Variants in EDIL3 observed in about 807,000 individuals in gnomAD.
The protein encoded by EDIL3 is EGF-like repeat and discoidin I-like domain-containing protein 3.
EDIL3 carries 37 observed loss-of-function variants against 67.4 expected under a neutral mutation model. The ratio of observed to expected loss-of-function variants is 0.55; its 90% CI spans 0.42 to 0.72. The LOEUF (loss-of-function observed/expected upper bound fraction) is 0.72, where lower values mean the gene tolerates loss of function less well. Among genes scored for constraint, EDIL3 ranks in the 30% least tolerant of loss-of-function variants. EDIL3 has a pLI of 0.00. For missense variants in EDIL3, 527 were observed against 586.3 expected, an observed-to-expected ratio of 0.90 and a Z score of 1.04; for synonymous variants, 195 against 196.3, an observed-to-expected ratio of 0.99 and a Z score of 0.05.
chr5:84,298,911 GGCT>G (rs1486524006), intron 1 of EDIL3, among the ~76,000 whole-genome samples: 2 of 152,244 alleles, frequency 1.3e-5, no homozygotes, highest in East Asian at 3.9e-4. Flanking sequence ...TCAGCCCTGT[GGCT>G]GCTTCTTCAT....
At chr5:84,049,250 A>G (rs1379323830) in intron 9 of EDIL3, among the ~76,000 whole-genome samples, 1 of 152,126 alleles carries the variant, frequency 6.6e-6, no homozygotes, top group Non-Finnish European at 1.5e-5. Flanking sequence ...ATTATTTTAC[A>G]TTTCATTATT....
intron 1 of EDIL3, among the ~76,000 whole-genome samples, chr5:84,358,592 CTTTTTTTTTTTTTT>C (rs756013675): frequency 3.2e-5 from 3 of 94,560 alleles, no homozygotes; most frequent in Non-Finnish European, 6.4e-5. Flanking sequence ...CATTTTTATC[CTTTTTTTTTTTTTT>C]TTTTTTTTTT....
chr5:84,252,247 T>G lies in EDIL3; in HGVS notation c.196+1837A>C, dbSNP rs112634908. ...TCGCTCACGCCTGTAATCCCAACAC[T>G]TTGGGAGGCCGAGGTGGGTGGATCA... On this transcript the variant is annotated intron_variant, in intron 2 of 10. Transcript: ENST00000296591. Among the ~76,000 whole-genome samples the G allele has an allele frequency of 2.5e-3, 377 of 152,064 alleles. 1 individual carries two copies. Among genetic ancestry groups the G allele is most frequent in the African/African-American group, 8.5e-3 (351 of 41,474 alleles).
At chr5:84,089,572 T>A (rs1747128320) in intron 6 of EDIL3, among the ~76,000 whole-genome samples, 1 of 152,188 alleles carries the variant, frequency 6.6e-6, no homozygotes, top group Middle Eastern at 3.2e-3. Context: ...ACTGAAAGCT[T>A]CATCAGCACT....
chr5:83,971,512 C>T (rs1437373304), intron 9 of EDIL3, among the ~76,000 whole-genome samples: 1 of 151,932 alleles, frequency 6.6e-6, no homozygotes, highest in African/African-American at 2.4e-5. Context: ...AAGCAATCCT[C>T]CACCCTTAGC....
intron 9 of EDIL3, among the ~76,000 whole-genome samples, chr5:83,982,870 T>G (rs1490592733): frequency 1.3e-5 from 2 of 152,142 alleles, no homozygotes; most frequent in Non-Finnish European, 2.9e-5. Context: ...TTGGCCACTG[T>G]GCTGAATTGT....
intron 1 of EDIL3, among the ~76,000 whole-genome samples, chr5:84,257,440 C>T (rs1464672633): frequency 1.3e-5 from 2 of 152,110 alleles, no homozygotes; most frequent in Admixed American, 1.3e-4. Flanking sequence ...TCGAAATTTT[C>T]ATCTTATTTC....
chr5:84,022,283 A>G (rs1745732264), intron 9 of EDIL3, among the ~76,000 whole-genome samples: 1 of 152,000 alleles, frequency 6.6e-6, no homozygotes, highest in Non-Finnish European at 1.5e-5. Flanking sequence ...AATCAACATG[A>G]TACATCACAT....
At chr5:84,254,741 A>G (rs553271441) in intron 1 of EDIL3, among the ~76,000 whole-genome samples, 1 of 152,314 alleles carries the variant, frequency 6.6e-6, no homozygotes, top group Admixed American at 6.5e-5. Flanking sequence ...GAGTGCTGAG[A>G]TCGTCATGTG....
intron 2 of EDIL3, among the ~76,000 whole-genome samples, chr5:84,230,891 C>G (rs1366850474): frequency 1.3e-5 from 2 of 151,696 alleles, no homozygotes; most frequent in African/African-American, 4.8e-5. Flanking sequence ...TAAAGAGTGA[C>G]CCCAGGTGGT....
chr5:84,009,922 G>A (rs1325955550), intron 9 of EDIL3, among the ~76,000 whole-genome samples: 2 of 152,154 alleles, frequency 1.3e-5, no homozygotes, highest in East Asian at 3.8e-4. Context: ...CACCAATTAA[G>A]GCAAGTTGCC....
chr5:84,316,164 T>C (rs574319518), intron 1 of EDIL3, among the ~76,000 whole-genome samples: 85 of 152,222 alleles, frequency 5.6e-4, no homozygotes, highest in African/African-American at 1.9e-3. Context: ...ACATGCCAAA[T>C]TGTAATAACC....
chr5:84,205,379 T>C (rs1457783353), intron 3 of EDIL3, among the ~76,000 whole-genome samples: 1 of 152,186 alleles, frequency 6.6e-6, no homozygotes, highest in Non-Finnish European at 1.5e-5. Context: ...AGTCATGTGA[T>C]AAGCCAGAAA....
intron 2 of EDIL3, among the ~76,000 whole-genome samples, chr5:84,239,406 AT>A (rs1257391916): frequency 1.3e-5 from 2 of 152,126 alleles, no homozygotes; most frequent in East Asian, 3.9e-4. Context: ...ATTGTAAAGA[AT>A]TAATTTCCTT....
At chr5:84,304,033 A>C (rs1746217366) in intron 1 of EDIL3, among the ~76,000 whole-genome samples, 1 of 152,130 alleles carries the variant, frequency 6.6e-6, no homozygotes, top group Admixed American at 6.5e-5. Flanking sequence ...TTACAGAGTA[A>C]TATACTCATT....
At chr5:84,195,832 T>C (rs906053115) in intron 3 of EDIL3, among the ~76,000 whole-genome samples, 5 of 152,020 alleles carry the variant, frequency 3.3e-5, no homozygotes, top group African/African-American at 9.7e-5. Flanking sequence ...GAAGAAGATT[T>C]ATGTCATAGA....
At chr5:83,975,635 A>T (rs912678153) in intron 9 of EDIL3, among the ~76,000 whole-genome samples, 1 of 151,946 alleles carries the variant, frequency 6.6e-6, no homozygotes, top group Non-Finnish European at 1.5e-5. Context: ...TTTGAAAAAA[A>T]TCAGATGTGA....
At chr5:84,245,423 T>C (rs1235868611) in intron 2 of EDIL3, among the ~76,000 whole-genome samples, 1 of 152,204 alleles carries the variant, frequency 6.6e-6, no homozygotes, top group African/African-American at 2.4e-5. Context: ...ATTTCTCTGA[T>C]GATAACATTT....
chr5:84,165,394 G>C (rs1270262627), intron 4 of EDIL3, among the ~76,000 whole-genome samples: 1 of 152,098 alleles, frequency 6.6e-6, no homozygotes, highest in Non-Finnish European at 1.5e-5. Context: ...TCTTCTACCT[G>C]TGTTTTACCT....
Sources: gnomAD v4.1 joint callset for allele counts (sites outside exome capture counted in the v4.1 genomes callset) on GRCh38, gnomAD v4.1.1 for gene constraint, MANE v1.5 for transcripts, NCBI Gene and HGNC (gene_info 2026-07-23, HGNC 2026-07-21) for gene names.